MSH4: variants seen among roughly 807,000 people sequenced by gnomAD.
MSH4 encodes the protein mutS homolog 4.
In MSH4, 106 loss-of-function variants were observed where a neutral mutation model predicts 113.7. That is an observed-to-expected ratio of 0.93 (90% CI 0.80 to 1.10). MSH4 has a LOEUF of 1.10. MSH4 is among the 50% of genes least tolerant of loss of function. The pLI is 0.00. For synonymous variants in MSH4, 368 were observed against 380.2 expected, an observed-to-expected ratio of 0.97 and a Z score of 0.37; for missense variants, 1,061 against 1,093.7, an observed-to-expected ratio of 0.97 and a Z score of 0.42.
intron 1 of MSH4, 141 bp downstream of exon 1, chr1:75,797,370 G>C: frequency 1.7e-6 from 2 of 1,153,966 alleles, no homozygotes; most frequent in African/African-American, 3.1e-5. Context: ...TGGGAATTTG[G>C]TGAGTCTGGG....
intron 8 of MSH4, among the ~76,000 whole-genome samples, chr1:75,852,223 TTG>T: frequency 6.6e-6 from 1 of 152,216 alleles, no homozygotes. Flanking sequence ...ACTTTATTCT[TTG>T]TATTGACAAA....
intron 17 of MSH4, among the ~76,000 whole-genome samples, chr1:75,896,179 A>G (rs1652376106): frequency 6.6e-6 from 1 of 152,140 alleles, no homozygotes; most frequent in Admixed American, 6.6e-5. Flanking sequence ...TTCAGACTCA[A>G]ACTGAAACAT....
Position 75,881,315 on chromosome 1 carries a change from G to C in MSH4, c.1851G>C (p.Val617=). ...GCTTATATAAACTATCTGACACTGT[G>C]TCAATGCTGGATATGCTACTGTCAT... ...IHCLYKLSDT[V]SMLDMLLSFA... Residue 617 remains valine (V), a synonymous_variant, in exon 14 of 20, where the codon GTG becomes GTC. Transcript: ENST00000263187. 6.2e-7 allele frequency: 1 copy of C among 1,611,712 alleles called. No homozygotes were observed. Among genetic ancestry groups the C allele is most frequent in the African/African-American group, 1.3e-5 (1 of 74,950 alleles).
At chr1:75,809,629 C>CTTTTT (rs35082709) in intron 3 of MSH4, among the ~76,000 whole-genome samples, 1 of 96,044 alleles carries the variant, frequency 1.0e-5, no homozygotes. Context: ...CATAGTTACC[C>CTTTTT]TTTTTTTTTT....
intron 17 of MSH4, among the ~76,000 whole-genome samples, chr1:75,893,975 G>A (rs1389748858): frequency 6.6e-6 from 1 of 152,150 alleles, no homozygotes; most frequent in East Asian, 1.9e-4. Flanking sequence ...GCTTAGGGAG[G>A]TTGGAATGTT....
At chr1:75,814,955 A>G (rs1274819757) in intron 4 of MSH4, 66 bp from the exon 5 acceptor site, 4 of 849,700 alleles carry the variant, frequency 4.7e-6, no homozygotes, top group Non-Finnish European at 5.9e-6. Flanking sequence ...CATGTGTTTA[A>G]GAAAGCAGTT....
At chr1:75,820,555 T>C (rs1315321229) in intron 6 of MSH4, among the ~76,000 whole-genome samples, 5 of 152,216 alleles carry the variant, frequency 3.3e-5, no homozygotes, top group Admixed American at 6.5e-5. Flanking sequence ...TGGGAGGGTG[T>C]ATGTCTCCAG....
intron 1 of MSH4, among the ~76,000 whole-genome samples, chr1:75,799,285 T>G (rs1649885342): frequency 6.6e-6 from 1 of 152,178 alleles, no homozygotes; most frequent in Non-Finnish European, 1.5e-5. Context: ...TAGATTTTTT[T>G]TTTGTTCCTG....
At chr1:75,797,331 TTTGG>T in intron 1 of MSH4, 102 bp downstream of exon 1, 1 of 1,444,576 alleles carries the variant, frequency 6.9e-7, no homozygotes, top group Non-Finnish European at 9.2e-7. Context: ...GAAGTTGTGA[TTTGG>T]TTGGGGCGTG....
At position 75,809,817 on chromosome 1, in the gene MSH4, A is replaced by G. The variant is rs1650149525; in HGVS notation, c.589-880A>G. Among the ~76,000 whole-genome samples the G allele has an allele frequency of 2.6e-5, 4 of 151,864 alleles. No individual in the cohort carries two copies. In the South Asian group the frequency reaches 8.3e-4, roughly 32 times the overall value. On this transcript the variant is annotated intron_variant, in intron 3 of 19. Coordinates refer to ENST00000263187, the MANE Select transcript of MSH4 (RefSeq NM_002440.4). The stretch of plus-strand genomic sequence containing the variant: ...ATGTGCACACCACCAAGCCTGGCTA[A>G]TTTTTGTATTTTTAGTAGAGACAGG...
At chr1:75,892,362 C>T (rs567387106) in intron 17 of MSH4, among the ~76,000 whole-genome samples, 7 of 143,394 alleles carry the variant, frequency 4.9e-5, no homozygotes, top group East Asian at 2.0e-4. Flanking sequence ...TCTCTTCACA[C>T]GCACACACAT....
At chr1:75,904,906 A>C (rs1296386340) in intron 19 of MSH4, among the ~76,000 whole-genome samples, 1 of 151,944 alleles carries the variant, frequency 6.6e-6, no homozygotes, top group Non-Finnish European at 1.5e-5. Flanking sequence ...ATAGTCTCTA[A>C]TGATCCTTTG....
intron 15 of MSH4, among the ~76,000 whole-genome samples, chr1:75,886,753 A>T (rs1015144375): frequency 7.1e-6 from 1 of 140,166 alleles, no homozygotes; most frequent in African/African-American, 2.6e-5. Flanking sequence ...TATATACATT[A>T]TATATAAAAT....
intron 7 of MSH4, among the ~76,000 whole-genome samples, chr1:75,825,750 A>T (rs1179661134): frequency 1.3e-5 from 2 of 152,168 alleles, no homozygotes; most frequent in Non-Finnish European, 2.9e-5. Context: ...GGTTCTGTTT[A>T]TGTGACAGAT....
Position 75,876,087 on chromosome 1 carries a change from G to T in MSH4, c.1306-849G>T, listed in dbSNP as rs77215005. ...GTTTAGACTCAGGTTTAATCTCCAG[G>T]ATATCTCATTATGTACATATGCAAA... On this transcript the variant is annotated intron_variant, in intron 9 of 19. Coordinates refer to ENST00000263187, the MANE Select transcript of MSH4 (RefSeq NM_002440.4). 7.5e-3 allele frequency among the ~76,000 whole-genome samples: 1,134 copies of T among 151,996 alleles called. 9 individuals carry two copies. Among genetic ancestry groups the T allele is most frequent in the African/African-American group, 0.026 (1,087 of 41,458 alleles).
At chr1:75,911,000 T>C (rs904219598) in intron 19 of MSH4, among the ~76,000 whole-genome samples, 28 of 152,092 alleles carry the variant, frequency 1.8e-4, no homozygotes, top group African/African-American at 6.8e-4. Flanking sequence ...TAATGATTTA[T>C]TACAAAGTAA....
chr1:75,849,773 C>T (rs1246763158), intron 8 of MSH4, among the ~76,000 whole-genome samples: 1 of 152,072 alleles, frequency 6.6e-6, no homozygotes, highest in Non-Finnish European at 1.5e-5. Context: ...TTATTTCTTC[C>T]TTACATATTT....
intron 7 of MSH4, among the ~76,000 whole-genome samples, chr1:75,831,562 G>T (rs569129513): frequency 6.6e-6 from 1 of 152,274 alleles, no homozygotes; most frequent in South Asian, 2.1e-4. Context: ...AAATGTAAAA[G>T]AACACAAATT....
At chr1:75,888,640 T>C in intron 15 of MSH4, among the ~76,000 whole-genome samples, 1 of 151,936 alleles carries the variant, frequency 6.6e-6, no homozygotes, top group East Asian at 1.9e-4. Flanking sequence ...TTTGACATAA[T>C]AATTGCACGC....
Sources: gnomAD v4.1 joint callset for allele counts (sites outside exome capture counted in the v4.1 genomes callset) on GRCh38, gnomAD v4.1.1 for gene constraint, MANE v1.5 for transcripts, NCBI Gene and HGNC (gene_info 2026-07-23, HGNC 2026-07-21) for gene names.